ERC2: variants seen among roughly 807,000 people sequenced by gnomAD.
The protein encoded by ERC2 is ELKS/RAB6-interacting/CAST family member 2, also known as ERC protein 2.
In ERC2, 42 loss-of-function variants were observed where a neutral mutation model predicts 114.8. The ratio of observed to expected loss-of-function variants is 0.37; its 90% CI spans 0.29 to 0.47. The LOEUF (loss-of-function observed/expected upper bound fraction) is 0.47, where lower values mean the gene tolerates loss of function less well. Ranked by LOEUF, ERC2 falls within the 20% of genes least tolerant of loss-of-function variation. The probability of loss-of-function intolerance (pLI) is 0.99; values close to 1 mark genes in which losing one functional copy is unlikely to be tolerated. For synonymous variants in ERC2, 454 were observed against 425.5 expected, an observed-to-expected ratio of 1.07 and a Z score of -0.82; for missense variants, 939 against 1,150.7, an observed-to-expected ratio of 0.82 and a Z score of 2.66.
intron 2 of ERC2, among the ~76,000 whole-genome samples, chr3:56,376,574 C>G (rs544930814): frequency 1.3e-5 from 2 of 151,998 alleles, no homozygotes; most frequent in South Asian, 2.1e-4. Flanking sequence ...ACCAGCCTGA[C>G]CAACATGGTG....
intron 15 of ERC2, among the ~76,000 whole-genome samples, chr3:55,701,204 C>A (rs1206263564): frequency 6.6e-6 from 1 of 152,188 alleles, no homozygotes; most frequent in East Asian, 1.9e-4. Context: ...TACAATCTAA[C>A]TTATTCTCAA....
chr3:56,192,480 C>T (rs994717694), intron 3 of ERC2, among the ~76,000 whole-genome samples: 2 of 152,146 alleles, frequency 1.3e-5, no homozygotes, highest in African/African-American at 2.4e-5. Context: ...TAAAGCAAGC[C>T]TTACATCAAT....
intron 3 of ERC2, among the ~76,000 whole-genome samples, chr3:56,224,281 A>G (rs1213123490): frequency 1.3e-5 from 2 of 152,210 alleles, no homozygotes; most frequent in African/African-American, 4.8e-5. Context: ...TTATTTACAC[A>G]AGGACCTTAG....
At chr3:56,121,432 G>T (rs1051578736) in intron 6 of ERC2, among the ~76,000 whole-genome samples, 5 of 152,084 alleles carry the variant, frequency 3.3e-5, no homozygotes, top group Non-Finnish European at 7.4e-5. Flanking sequence ...AAACAAAGAT[G>T]TATTATTTCA....
At position 56,104,475 on chromosome 3, in the gene ERC2, CT is replaced by C. The variant is rs2078537454; in HGVS notation, c.1474-23492del. Among the ~76,000 whole-genome samples the C allele has an allele frequency of 3.9e-5, 6 of 152,278 alleles. No individual in the cohort carries two copies. The South Asian group carries it at 1.2e-3, about 32-fold the overall frequency. On this transcript the variant is annotated intron_variant, in intron 6 of 17. Transcript: ENST00000288221. ...TTTCCCTTCTTAGACACTGCTAAGA[CT>C]TTGTTGAGGTGGCATGCTCCCTCAT... is the stretch of plus-strand genomic sequence containing the variant.
intron 6 of ERC2, among the ~76,000 whole-genome samples, chr3:56,125,429 C>T (rs753332153): frequency 7.2e-5 from 11 of 152,126 alleles, no homozygotes; most frequent in Non-Finnish European, 1.6e-4. Context: ...AAGCAAAAAT[C>T]GTGTGGCCAT....
intron 14 of ERC2, among the ~76,000 whole-genome samples, chr3:55,768,793 G>T (rs1309227019): frequency 6.6e-6 from 1 of 152,184 alleles, no homozygotes; most frequent in Admixed American, 6.5e-5. Flanking sequence ...GTAGGCAGCG[G>T]GCAGCAGCAG....
chr3:56,134,663 TG>T, intron 6 of ERC2, among the ~76,000 whole-genome samples: 1 of 152,188 alleles, frequency 6.6e-6, no homozygotes, highest in Non-Finnish European at 1.5e-5. Flanking sequence ...GCTGCCACTA[TG>T]TTGCCCTTGC....
intron 3 of ERC2, among the ~76,000 whole-genome samples, chr3:56,295,563 ACCATTCTTTC>A (rs2055374858): frequency 6.6e-6 from 1 of 152,266 alleles, no homozygotes; most frequent in Non-Finnish European, 1.5e-5. Context: ...TGTGCATTTT[ACCATTCTTTC>A]CCATAGGCTT....
intron 17 of ERC2, among the ~76,000 whole-genome samples, chr3:55,511,861 G>T (rs1239710006): frequency 1.3e-5 from 2 of 152,192 alleles, no homozygotes; most frequent in African/African-American, 4.8e-5. Context: ...CCAGAGTGTG[G>T]ATACAACTGC....
intron 17 of ERC2, among the ~76,000 whole-genome samples, chr3:55,531,453 G>T (rs751873348): frequency 1.3e-5 from 2 of 152,078 alleles, no homozygotes; most frequent in African/African-American, 2.4e-5. Flanking sequence ...TAATGTGTTT[G>T]CTCAGCCCAC....
intron 4 of ERC2, among the ~76,000 whole-genome samples, chr3:56,169,364 T>A (rs1421285803): frequency 6.6e-6 from 1 of 152,234 alleles, no homozygotes; most frequent in Admixed American, 6.5e-5. Flanking sequence ...CTCTATGTAT[T>A]TTCTTTTCAG....
intron 14 of ERC2, among the ~76,000 whole-genome samples, chr3:55,839,500 T>G (rs1447571845): frequency 6.6e-6 from 1 of 151,774 alleles, no homozygotes; most frequent in Non-Finnish European, 1.5e-5. Flanking sequence ...AAATGTATTG[T>G]GGGGTTAATA....
intron 2 of ERC2, among the ~76,000 whole-genome samples, chr3:56,338,276 T>C (rs917642863): frequency 6.6e-6 from 1 of 152,230 alleles, no homozygotes; most frequent in Non-Finnish European, 1.5e-5. Flanking sequence ...TTATGTTTTG[T>C]ATACTTCCTA....
rs1357211145 is a variant in ERC2, at chr3:56,148,981, G to A, written c.1301C>T (p.Thr434Ile). 1 of 1,612,952 alleles carries A rather than the reference G, an allele frequency of 6.2e-7. No individual in the cohort carries two copies. The highest frequency in any genetic ancestry group is 1.3e-5 in the African/African-American group (1 of 74,848). ...GTTTATAACCCTGGACCGTACCTTG[G>A]TCTTCATAAACTTGGAGTGACTTTT... ...VYKSHSKFMK[T>I]KIDQLKQELS... The change falls in exon 5 of 18, where the codon ACC becomes ATC. Residue 434 changes from threonine (T) to isoleucine (I), a missense_variant. Thr to Ile is a moderately conservative substitution (Grantham distance 89). Transcript: ENST00000288221.
At chr3:55,624,194 C>T (rs941820124) in intron 17 of ERC2, among the ~76,000 whole-genome samples, 9 of 151,852 alleles carry the variant, frequency 5.9e-5, no homozygotes, top group Non-Finnish European at 1.2e-4. Context: ...GCAATAAGCA[C>T]AGAGATGTGA....
At chr3:56,265,244 A>C (rs1431946852) in intron 3 of ERC2, among the ~76,000 whole-genome samples, 10 of 152,212 alleles carry the variant, frequency 6.6e-5, no homozygotes, top group Admixed American at 6.5e-4. Context: ...GGGTACTCAC[A>C]TAAAAACAGA....
intron 17 of ERC2, among the ~76,000 whole-genome samples, chr3:55,600,800 CTCA>C (rs1416398232): frequency 1.3e-5 from 2 of 152,226 alleles, no homozygotes; most frequent in Non-Finnish European, 2.9e-5. Flanking sequence ...GCCTCTGCGC[CTCA>C]CCTAGAGCCA....
At chr3:56,180,826 G>A (rs944734017) in intron 3 of ERC2, among the ~76,000 whole-genome samples, 10 of 152,118 alleles carry the variant, frequency 6.6e-5, no homozygotes, top group African/African-American at 1.9e-4. Flanking sequence ...ACAATTAAAA[G>A]TTTTTCTAAA....
Sources: allele counts gnomAD v4.1 joint callset (sites outside exome capture counted in the v4.1 genomes callset), GRCh38; gene constraint gnomAD v4.1.1; transcripts MANE v1.5; gene names NCBI Gene and HGNC (gene_info 2026-07-23, HGNC 2026-07-21).